CSMD1: variants seen among roughly 807,000 people sequenced by gnomAD.
The protein encoded by CSMD1 is CUB and Sushi multiple domains 1.
Under a neutral mutation model 417.5 loss-of-function variants are expected in CSMD1, and 213 were observed. The ratio of observed to expected loss-of-function variants is 0.51; its 90% CI spans 0.46 to 0.57. The LOEUF (loss-of-function observed/expected upper bound fraction) is 0.57, where lower values mean the gene tolerates loss of function less well. Ranked by LOEUF, CSMD1 falls within the 20% of genes least tolerant of loss-of-function variation. CSMD1 has a pLI of 0.00. For missense variants in CSMD1, 6,923 were observed against 4,529.7 expected (o/e 1.53, Z -15.17); for synonymous variants, 2,862 against 1,736.8 (o/e 1.65, Z -16.11).
At chr8:3,613,946 A>C (rs774482927) in intron 8 of CSMD1, among the ~76,000 whole-genome samples, 3 of 152,040 alleles carry the variant, frequency 2.0e-5, no homozygotes, top group African/African-American at 2.4e-5. Context: ...AAATAAAAAA[A>C]ATCCGATTGG....
At chr8:3,196,075 G>A (rs938978292) in intron 33 of CSMD1, among the ~76,000 whole-genome samples, 3 of 152,166 alleles carry the variant, frequency 2.0e-5, no homozygotes, top group Non-Finnish European at 2.9e-5. Flanking sequence ...ACGCCGTAAA[G>A]AAGCCGGCCC....
At chr8:3,435,341 C>T (rs1260188992) in intron 12 of CSMD1, among the ~76,000 whole-genome samples, 3 of 152,142 alleles carry the variant, frequency 2.0e-5, no homozygotes, top group Non-Finnish European at 4.4e-5. Context: ...AAACAGATGC[C>T]CTGAGTGGTT....
intron 5 of CSMD1, among the ~76,000 whole-genome samples, chr8:3,971,378 G>A (rs927722343): frequency 2.0e-5 from 3 of 152,028 alleles, no homozygotes; most frequent in Non-Finnish European, 4.4e-5. Context: ...TATAAATGAC[G>A]ACTGTCCCTA....
rs138938394 is a variant in CSMD1, at chr8:4,466,165, G to A, written c.303-46100C>T. Reference sequence around the variant, plus strand: ...AAATATTGTGAGAGAGTCTTACTCCGTGGTCTTAAGAGCTGTTTAAGATTG... The same window carrying A: ...AAATATTGTGAGAGAGTCTTACTCCATGGTCTTAAGAGCTGTTTAAGATTG... On this transcript the variant is annotated intron_variant, in intron 2 of 69. Transcript: ENST00000635120. Among the ~76,000 whole-genome samples, 448 of 152,270 alleles carry A rather than the reference G, an allele frequency of 2.9e-3. 1 individual carries two copies. The highest frequency in any genetic ancestry group is 8.7e-3 in the African/African-American group (362 of 41,548).
At position 4,149,630 on chromosome 8, in the gene CSMD1, A is replaced by C. The variant is rs74498567; in HGVS notation, c.416-117531T>G. Among the ~76,000 whole-genome samples, 32 of 152,326 alleles carry C rather than the reference A, an allele frequency of 2.1e-4. No homozygotes were observed. The East Asian group carries it at 5.8e-3, about 28-fold the overall frequency. ...AACTGGTCCTTCTGTCTGTAGAATC[A>C]TCCTAGCTCAACACCTACAGAATGG... On this transcript the variant is annotated intron_variant, in intron 3 of 69. Coordinates refer to ENST00000635120, the MANE Select transcript of CSMD1 (RefSeq NM_033225.6).
intron 5 of CSMD1, among the ~76,000 whole-genome samples, chr8:3,755,178 G>T (rs2720864): frequency 6.6e-6 from 1 of 152,182 alleles, no homozygotes; most frequent in Non-Finnish European, 1.5e-5. Context: ...TAGTTTTTCA[G>T]TGGCATAAGC....
chr8:4,300,502 C>G (rs929654319), intron 3 of CSMD1, among the ~76,000 whole-genome samples: 11 of 152,294 alleles, frequency 7.2e-5, no homozygotes, highest in Admixed American at 2.6e-4. Context: ...ACGTTATTAA[C>G]TGAAGGAAAT....
At chr8:3,847,670 G>C (rs1803602246) in intron 5 of CSMD1, among the ~76,000 whole-genome samples, 1 of 151,932 alleles carries the variant, frequency 6.6e-6, no homozygotes, top group Non-Finnish European at 1.5e-5. Flanking sequence ...TGCATTTCTG[G>C]TCATTTGCTA....
At chr8:3,418,817 T>G (rs1813314474) in intron 12 of CSMD1, among the ~76,000 whole-genome samples, 2 of 152,134 alleles carry the variant, frequency 1.3e-5, no homozygotes, top group Admixed American at 6.5e-5. Context: ...GAAGAATGAG[T>G]CATTTTAAAG....
At chr8:4,465,166 G>T (rs577287187) in intron 2 of CSMD1, among the ~76,000 whole-genome samples, 4 of 152,252 alleles carry the variant, frequency 2.6e-5, no homozygotes, top group South Asian at 2.1e-4. Context: ...GTCACTTTAT[G>T]TCACCAGAGG....
chr8:4,313,845 C>T (rs940951091), intron 3 of CSMD1, among the ~76,000 whole-genome samples: 1 of 151,918 alleles, frequency 6.6e-6, no homozygotes, highest in African/African-American at 2.4e-5. Flanking sequence ...GAAACCTCAT[C>T]TCTACTAAAA....
chr8:3,802,353 T>A (rs554971508), intron 5 of CSMD1, among the ~76,000 whole-genome samples: 8 of 152,204 alleles, frequency 5.3e-5, no homozygotes, highest in Admixed American at 1.3e-4. Flanking sequence ...TCTGTATATG[T>A]GTGCATGTGC....
intron 26 of CSMD1, among the ~76,000 whole-genome samples, chr8:3,282,673 C>T (rs971896271): frequency 6.6e-6 from 1 of 152,148 alleles, no homozygotes; most frequent in Non-Finnish European, 1.5e-5. Context: ...TGTACAAGTA[C>T]TATTCCACAG....
chr8:3,474,916 A>G (rs889597618), intron 11 of CSMD1, among the ~76,000 whole-genome samples: 1 of 152,168 alleles, frequency 6.6e-6, no homozygotes, highest in African/African-American at 2.4e-5. Flanking sequence ...GGAAAATATA[A>G]TTTTATTTTG....
intron 3 of CSMD1, among the ~76,000 whole-genome samples, chr8:4,337,625 T>G (rs1800243304): frequency 1.3e-5 from 2 of 152,190 alleles, no homozygotes; most frequent in African/African-American, 4.8e-5. Flanking sequence ...TAGACAAGTG[T>G]CATGCTGAAC....
intron 2 of CSMD1, among the ~76,000 whole-genome samples, chr8:4,496,244 G>C (rs748913670): frequency 6.6e-6 from 1 of 152,138 alleles, no homozygotes; most frequent in African/African-American, 2.4e-5. Flanking sequence ...CCTGAGTTTT[G>C]CTATCTGTGC....
At chr8:4,033,483 C>T (rs1797463443) in intron 3 of CSMD1, among the ~76,000 whole-genome samples, 1 of 152,102 alleles carries the variant, frequency 6.6e-6, no homozygotes, top group African/African-American at 2.4e-5. Context: ...TTTGATTCTA[C>T]CTATGACCTG....
chr8:4,644,510 G>A (rs1275081039), intron 1 of CSMD1, among the ~76,000 whole-genome samples: 1 of 152,046 alleles, frequency 6.6e-6, no homozygotes, highest in Non-Finnish European at 1.5e-5. Context: ...AGGTTCAAGT[G>A]ATCCTCCCGC....
chr8:3,938,841 C>G (rs188186843), intron 5 of CSMD1, among the ~76,000 whole-genome samples: 13 of 152,168 alleles, frequency 8.5e-5, no homozygotes, highest in Non-Finnish European at 2.9e-5. Context: ...TTATTTTAGA[C>G]AAAGTAAACC....
Sources: gnomAD v4.1 joint callset for allele counts (sites outside exome capture counted in the v4.1 genomes callset) on GRCh38, gnomAD v4.1.1 for gene constraint, MANE v1.5 for transcripts, NCBI Gene and HGNC (gene_info 2026-07-23, HGNC 2026-07-21) for gene names.